PCDHGC3: variants seen among roughly 807,000 people sequenced by gnomAD.
The protein encoded by PCDHGC3 is protocadherin gamma subfamily C, 3, also known as protocadherin gamma-C3.
PCDHGC3 carries 26 observed loss-of-function variants against 59.2 expected under a neutral mutation model. That is an observed-to-expected ratio of 0.44 (90% CI 0.32 to 0.61). The LOEUF (loss-of-function observed/expected upper bound fraction) is 0.61, where lower values mean the gene tolerates loss of function less well. Ranked by LOEUF, PCDHGC3 falls within the 20% of genes least tolerant of loss-of-function variation. The pLI is 0.05. For synonymous variants in PCDHGC3, 487 were observed against 519.7 expected (o/e 0.94, Z 0.86); for missense variants, 1,080 against 1,221.8 (o/e 0.88, Z 1.73).
At chr5:141,500,152 A>C (rs1301287171) in intron 2 of PCDHGC3, among the ~76,000 whole-genome samples, 1 of 151,610 alleles carries the variant, frequency 6.6e-6, no homozygotes, top group African/African-American at 2.4e-5. Flanking sequence ...TTCTTTGTGT[A>C]ATCAAAGAAC....
intron 1 of PCDHGC3, among the ~76,000 whole-genome samples, chr5:141,481,443 C>T (rs971405190): frequency 1.3e-5 from 2 of 152,174 alleles, no homozygotes; most frequent in African/African-American, 4.8e-5. Flanking sequence ...CAGTTTAGTA[C>T]ATGTAAATAC....
rs1275819200 is a variant in PCDHGC3, at chr5:141,491,620, A to G, written c.2431-3187A>G. 5 of 1,613,788 alleles carry G rather than the reference A, an allele frequency of 3.1e-6. No individual in the cohort carries two copies. Among genetic ancestry groups the G allele is most frequent in the Non-Finnish European group, 4.2e-6 (5 of 1,180,014 alleles). On this transcript the variant is annotated intron_variant, in intron 1 of 3. Coordinates refer to ENST00000308177, the MANE Select transcript of PCDHGC3 (RefSeq NM_002588.4). The surrounding 1 kb of genome is among the most constrained non-coding windows in gnomAD (Gnocchi z 6.9). ...TGACTTCACTTTTCTAAGACCCCTC[A>G]GCGTTCAGCAGCCCACAGCTCTGGC...
At chr5:141,482,901 A>T (rs192886570) in intron 1 of PCDHGC3, among the ~76,000 whole-genome samples, 2 of 152,240 alleles carry the variant, frequency 1.3e-5, no homozygotes, top group African/African-American at 4.8e-5. Flanking sequence ...GTGAAACCTC[A>T]TCTCTATTAA....
At position 141,511,572 on chromosome 5, in the gene PCDHGC3, T is replaced by C. The variant is rs1366960269; in HGVS notation, c.*399T>C. The C allele has an allele frequency of 1.0e-5, 3 of 289,550 alleles. No homozygotes were observed. The East Asian group carries it at 2.4e-4, about 23-fold the overall frequency. 17.9% of individuals were successfully genotyped at this position (289,550 alleles called of 1,614,324 possible). ...AACAGTTCCTCTTTCCCGAGTAAGG[T>C]GGTTGGGGTGTTGAAGTACCAAGTA... On this transcript the variant is annotated 3_prime_UTR_variant, in exon 4 of 4. Coordinates refer to ENST00000308177, the MANE Select transcript of PCDHGC3 (RefSeq NM_002588.4).
chr5:141,489,692 G>A lies in PCDHGC3; in HGVS notation c.2431-5115G>A. 1.9e-6 allele frequency: 3 copies of A among 1,614,128 alleles called. No individual in the cohort carries two copies. The highest frequency in any genetic ancestry group is 1.7e-6 in the Non-Finnish European group (2 of 1,179,980). On this transcript the variant is annotated intron_variant, in intron 1 of 3. Coordinates refer to ENST00000308177, the MANE Select transcript of PCDHGC3 (RefSeq NM_002588.4). The surrounding 1 kb of genome is among the most constrained non-coding windows in gnomAD (Gnocchi z 4.5). The stretch of plus-strand genomic sequence containing the variant: ...TCAGAATCAGCAGCATCTGGGGCAC[G>A]ATTCCCACTGGACAGTGCCCAGGAT...
Position 141,486,695 on chromosome 5 carries a change from A to T in PCDHGC3, c.2431-8112A>T. On this transcript the variant is annotated intron_variant, in intron 1 of 3. Coordinates refer to ENST00000308177, the MANE Select transcript of PCDHGC3 (RefSeq NM_002588.4). The surrounding 1 kb of genome is among the most constrained non-coding windows in gnomAD (Gnocchi z 5.0). ...TCGAGATGTATCAGCTTCCTCTTTC[A>T]TCTCTCTGAACCCCCAGACAGGAGC... The T allele has an allele frequency of 6.2e-7, 1 of 1,613,912 alleles. No homozygotes were observed. The highest frequency in any genetic ancestry group is 8.5e-7 in the Non-Finnish European group (1 of 1,179,980).
chr5:141,490,092 C>T lies in PCDHGC3; in HGVS notation c.2431-4715C>T. On this transcript the variant is annotated intron_variant, in intron 1 of 3. Coordinates refer to ENST00000308177, the MANE Select transcript of PCDHGC3 (RefSeq NM_002588.4). This position sits in a 1 kb window ranked among gnomAD's most constrained non-coding sequence, Gnocchi z 5.4. ...AACTAGACTATTCTTTTGGAGACCA[C>T]ACATCTGAGGCAGTGCGGAACCTCT... 6.2e-7 allele frequency: 1 copy of T among 1,614,240 alleles called. No individual in the cohort carries two copies.
rs1368632691 is a variant in PCDHGC3 at position 141,485,071 on chromosome 5, C to A, written c.2430+6525C>A. ...GCCGGCCGAACCGCGCCAGAGCTGG[C>A]GCGGGGAAAGGGAGATAGGTGTCTC... On this transcript the variant is annotated intron_variant, in intron 1 of 3. Coordinates refer to ENST00000308177, the MANE Select transcript of PCDHGC3 (RefSeq NM_002588.4). This position sits in a 1 kb window ranked among gnomAD's most constrained non-coding sequence, Gnocchi z 5.7. 3.3e-6 allele frequency: 3 copies of A among 913,030 alleles called. No individual in the cohort carries two copies. Among genetic ancestry groups the A allele is most frequent in the Non-Finnish European group, 5.1e-6 (3 of 584,604 alleles). 56.6% of individuals were successfully genotyped at this position (913,030 alleles called of 1,614,324 possible).
rs191354649 is a variant in PCDHGC3 at position 141,510,446 on chromosome 5, C to T, written c.2579-501C>T. 8.9e-4 allele frequency among the ~76,000 whole-genome samples: 135 copies of T among 152,154 alleles called. 1 individual carries two copies. Among genetic ancestry groups the T allele is most frequent in the Non-Finnish European group, 1.7e-3 (114 of 68,010 alleles). On this transcript the variant is annotated intron_variant, in intron 3 of 3. Coordinates refer to ENST00000308177, the MANE Select transcript of PCDHGC3 (RefSeq NM_002588.4). ...TTTCATGGCTGCTGCCCTCCAGGAG[C>T]CCATGGTCTAGTGTGGGAGTCAGAG...
Position 141,491,244 on chromosome 5 carries a change from T to A in PCDHGC3, c.2431-3563T>A. 1 of 1,614,210 alleles carries A rather than the reference T, an allele frequency of 6.2e-7. No individual in the cohort carries two copies. Among genetic ancestry groups the A allele is most frequent in the Non-Finnish European group, 8.5e-7 (1 of 1,180,024 alleles). On this transcript the variant is annotated intron_variant, in intron 1 of 3. Coordinates refer to ENST00000308177, the MANE Select transcript of PCDHGC3 (RefSeq NM_002588.4). This position sits in a 1 kb window ranked among gnomAD's most constrained non-coding sequence, Gnocchi z 6.9. ...CCACAGTGCTGCTGGTTCTGGAGGA[T>A]GAGGACCCTGAGGAAATGCCCAAAT...
intron 2 of PCDHGC3, among the ~76,000 whole-genome samples, chr5:141,501,026 G>A (rs1053442173): frequency 7.9e-5 from 12 of 151,608 alleles, no homozygotes; most frequent in Non-Finnish European, 1.5e-4. Flanking sequence ...GCGCCACCAC[G>A]CCCAGCTAAT....
intron 3 of PCDHGC3, among the ~76,000 whole-genome samples, chr5:141,506,484 C>T (rs1489425559): frequency 6.6e-6 from 1 of 150,566 alleles, no homozygotes; most frequent in Non-Finnish European, 1.5e-5. Context: ...GCTTTAGAGG[C>T]AGGCCAATCT....
Position 141,476,116 on chromosome 5 carries a change from G to C in PCDHGC3, c.-1G>C, listed in dbSNP as rs367958555. On this transcript the variant is annotated 5_prime_UTR_variant, in exon 1 of 4. Transcript: ENST00000308177. The surrounding 1 kb of genome is among the most constrained non-coding windows in gnomAD (Gnocchi z 7.6). ...GCTGAGAGGAACTGCTTTTGAGTGA[G>C]ATGGTCCCAGAGGCCTGGAGGAGCG... 504 of 1,593,954 alleles carry C rather than the reference G, an allele frequency of 3.2e-4. No individual in the cohort carries two copies. Among genetic ancestry groups the C allele is most frequent in the Non-Finnish European group, 4.1e-4 (479 of 1,172,292 alleles).
chr5:141,489,483 T>G lies in PCDHGC3; in HGVS notation c.2431-5324T>G. 1.9e-6 allele frequency: 3 copies of G among 1,613,980 alleles called. No individual in the cohort carries two copies. The highest frequency in any genetic ancestry group is 2.5e-6 in the Non-Finnish European group (3 of 1,180,008). ...GCTATTTTTCCCTGAGCTTGATGAG[T>G]GGTGCCCTGGCAGTGAATCAAAAGA... On this transcript the variant is annotated intron_variant, in intron 1 of 3. Coordinates refer to ENST00000308177, the MANE Select transcript of PCDHGC3 (RefSeq NM_002588.4). This position sits in a 1 kb window ranked among gnomAD's most constrained non-coding sequence, Gnocchi z 4.5.
chr5:141,476,699 G>C lies in PCDHGC3; in HGVS notation c.583G>C (p.Glu195Gln). 1 of 1,614,222 alleles carries C rather than the reference G, an allele frequency of 6.2e-7. No individual in the cohort carries two copies. The highest frequency in any genetic ancestry group is 8.5e-7 in the Non-Finnish European group (1 of 1,180,042). ...QTREDSTKYAELVLERALDRE... is the reference protein window; with the variant it reads ...QTREDSTKYAQLVLERALDRE... ...GCGGGAGGACAGCACCAAGTACGCG[G>C]AGCTGGTGTTGGAGCGCGCCCTGGA... is the stretch of plus-strand genomic sequence containing the variant. The change falls in exon 1 of 4, where the codon GAG becomes CAG. Residue 195 changes from glutamate to glutamine, a missense_variant. By Grantham distance (29) the Glu-to-Gln change is conservative (BLOSUM62 2). Transcript: ENST00000308177. The surrounding 1 kb of genome is among the most constrained non-coding windows in gnomAD (Gnocchi z 7.6).
At chr5:141,500,185 TTTA>T (rs549090582) in intron 2 of PCDHGC3, among the ~76,000 whole-genome samples, 1 of 55,104 alleles carries the variant, frequency 1.8e-5, no homozygotes, top group Non-Finnish European at 3.2e-5. Flanking sequence ...CATTTTTATT[TTTA>T]TTTATTTATT....
intron 1 of PCDHGC3, among the ~76,000 whole-genome samples, chr5:141,483,832 G>A (rs994540286): frequency 2.0e-5 from 3 of 152,134 alleles, no homozygotes; most frequent in African/African-American, 7.2e-5. Context: ...ACCTAGGTAA[G>A]GACTTGGTTG....
Position 141,477,060 on chromosome 5 carries a change from C to G in PCDHGC3, c.944C>G (p.Thr315Ser). The change falls in exon 1 of 4, where the codon ACC (threonine) becomes AGC (serine). Residue 315 changes from threonine to serine, a missense_variant. Coordinates refer to ENST00000308177, the MANE Select transcript of PCDHGC3 (RefSeq NM_002588.4). The surrounding 1 kb of genome is among the most constrained non-coding windows in gnomAD (Gnocchi z 4.9). ...TIKGRLDFED[T>S]KLHEIYIQAK... ...AAGGGTCGGCTGGACTTCGAGGACA[C>G]CAAACTCCATGAGATTTACATCCAG... The G allele has an allele frequency of 1.2e-6, 2 of 1,614,256 alleles. No individual in the cohort carries two copies. The highest frequency in any genetic ancestry group is 2.2e-5 in the South Asian group (2 of 91,086).
Position 141,476,241 on chromosome 5 carries a change from A to G in PCDHGC3, c.125A>G (p.Glu42Gly), listed in dbSNP as rs375405507. ...CACTATGAGATCCCGGAGGAAAGAG[A>G]GAAGGGTTTCGCTGTGGGCAACGTG... ...VIHYEIPEER[E>G]KGFAVGNVVA... The change falls in exon 1 of 4, where the codon GAG becomes GGG. Residue 42 changes from glutamate (E) to glycine (G), a missense_variant. Glu to Gly is a moderately conservative substitution (Grantham distance 98). Transcript: ENST00000308177. The surrounding 1 kb of genome is among the most constrained non-coding windows in gnomAD (Gnocchi z 7.6). 3.7e-6 allele frequency: 6 copies of G among 1,613,626 alleles called. No homozygotes were observed. The highest frequency in any genetic ancestry group is 2.2e-5 in the East Asian group (1 of 44,834).
Sources: gnomAD v4.1 joint callset for allele counts (sites outside exome capture counted in the v4.1 genomes callset) on GRCh38, gnomAD v4.1.1 for gene constraint, Gnocchi (gnomAD v3.1) non-coding constraint, MANE v1.5 for transcripts, NCBI Gene and HGNC (gene_info 2026-07-23, HGNC 2026-07-21) for gene names.